The following ATRN variants were observed in gnomAD, a reference collection of about 807,000 sequenced individuals.
The protein encoded by ATRN is attractin, also known as attractin-2.
Under a neutral mutation model 178.7 loss-of-function variants are expected in ATRN, and 54 were observed. That is an observed-to-expected ratio of 0.30 (90% CI 0.24 to 0.38). The LOEUF is 0.38. ATRN is among the 10% of genes least tolerant of loss of function. ATRN has a pLI of 1.00. For synonymous variants in ATRN, 636 were observed against 663.0 expected (o/e 0.96, Z 0.63); for missense variants, 1,443 against 1,815.1 (o/e 0.79, Z 3.73).
intron 14 of ATRN, among the ~76,000 whole-genome samples, chr20:3,577,606 A>G (rs2086229816): frequency 6.6e-6 from 1 of 152,204 alleles, no homozygotes; most frequent in Non-Finnish European, 1.5e-5. Flanking sequence ...GAGCTTGTTC[A>G]GGGAAGTTGG....
intron 1 of ATRN, among the ~76,000 whole-genome samples, chr20:3,504,186 G>A (rs1332644174): frequency 6.6e-6 from 1 of 152,118 alleles, no homozygotes; most frequent in Non-Finnish European, 1.5e-5. Flanking sequence ...TGGTGAAATT[G>A]TGCCTCAGGA....
chr20:3,539,658 G>A (rs1385794579), intron 2 of ATRN, among the ~76,000 whole-genome samples: 1 of 152,154 alleles, frequency 6.6e-6, no homozygotes, highest in Admixed American at 6.5e-5. Context: ...CAGTTGGAGA[G>A]CAGAGACCAT....
intron 6 of ATRN, among the ~76,000 whole-genome samples, chr20:3,550,794 C>T (rs2085776251): frequency 6.6e-6 from 1 of 152,166 alleles, no homozygotes; most frequent in African/African-American, 2.4e-5. Context: ...CCCCTTCCCT[C>T]TGGGGGGAAA....
chr20:3,630,062 T>C (rs555112733), intron 25 of ATRN, among the ~76,000 whole-genome samples: 202 of 152,292 alleles, frequency 1.3e-3, no homozygotes, highest in Non-Finnish European at 2.5e-3. Flanking sequence ...CTGAAAGTTC[T>C]AACCCTCTAA....
intron 24 of ATRN, among the ~76,000 whole-genome samples, chr20:3,615,200 G>A (rs1326860349): frequency 2.0e-5 from 3 of 152,126 alleles, no homozygotes; most frequent in Non-Finnish European, 2.9e-5. Context: ...AGGCCGAGGC[G>A]GGCAGATCGC....
chr20:3,491,881 T>G (rs945353253), intron 1 of ATRN, among the ~76,000 whole-genome samples: 1 of 152,158 alleles, frequency 6.6e-6, no homozygotes, highest in Admixed American at 6.6e-5. Flanking sequence ...TTCTGGAAAG[T>G]GTAAGGTTGT....
intron 4 of ATRN, among the ~76,000 whole-genome samples, chr20:3,546,480 C>T (rs926562945): frequency 6.0e-5 from 9 of 150,672 alleles, no homozygotes; most frequent in African/African-American, 1.7e-4. Flanking sequence ...CAACCTCCAC[C>T]TCCTGGGTTC....
intron 11 of ATRN, among the ~76,000 whole-genome samples, chr20:3,570,938 G>A (rs2086113875): frequency 6.6e-6 from 1 of 152,256 alleles, no homozygotes; most frequent in African/African-American, 2.4e-5. Context: ...TTTTTAAAAA[G>A]GAAAATGAAT....
intron 1 of ATRN, among the ~76,000 whole-genome samples, chr20:3,483,990 A>G (rs950913242): frequency 2.0e-5 from 3 of 152,116 alleles, no homozygotes. Context: ...GACTCACACC[A>G]TAATCCCAGC....
chr20:3,575,909 C>T lies in ATRN; in HGVS notation c.2175C>T (p.Asp725=). The T allele has an allele frequency of 6.2e-7, 1 of 1,614,108 alleles. No individual in the cohort carries two copies. The highest frequency in any genetic ancestry group is 8.5e-7 in the Non-Finnish European group (1 of 1,179,988). ...CCAATGACTGCCACTGGTGCAATGA[C>T]CATTGTGTCCCCAGGAACCACAGCT... ...ANTNDCHWCN[D]HCVPRNHSCS... Residue 725 remains aspartate (D), a synonymous_variant, in exon 13 of 29, where the codon GAC becomes GAT. Transcript: ENST00000262919.
At chr20:3,596,161 T>C (rs553563774) in intron 20 of ATRN, among the ~76,000 whole-genome samples, 18 of 152,262 alleles carry the variant, frequency 1.2e-4, no homozygotes, top group Non-Finnish European at 2.5e-4. Context: ...TGCTTGTCAA[T>C]TGTCCTCATA....
At chr20:3,519,062 A>G (rs1359478224) in intron 1 of ATRN, among the ~76,000 whole-genome samples, 1 of 150,798 alleles carries the variant, frequency 6.6e-6, no homozygotes, top group Non-Finnish European at 1.5e-5. Context: ...GATCCTTCCA[A>G]GCAGAGAGAA....
At chr20:3,618,114 C>T (rs941857770) in intron 24 of ATRN, among the ~76,000 whole-genome samples, 1 of 152,180 alleles carries the variant, frequency 6.6e-6, no homozygotes, top group East Asian at 1.9e-4. Flanking sequence ...CATCGTCTCC[C>T]CATATCCCAG....
intron 1 of ATRN, among the ~76,000 whole-genome samples, chr20:3,533,059 G>A (rs2085476822): frequency 1.3e-5 from 2 of 152,222 alleles, no homozygotes; most frequent in Non-Finnish European, 2.9e-5. Flanking sequence ...ACCACGCCCA[G>A]CCTATGGTAT....
At chr20:3,494,835 A>T (rs1368337103) in intron 1 of ATRN, among the ~76,000 whole-genome samples, 1 of 152,144 alleles carries the variant, frequency 6.6e-6, no homozygotes. Flanking sequence ...GGAGACCTTG[A>T]TCTAGCCAGG....
chr20:3,620,309 A>T (rs1177637097), intron 24 of ATRN, among the ~76,000 whole-genome samples: 1 of 152,038 alleles, frequency 6.6e-6, no homozygotes, highest in Non-Finnish European at 1.5e-5. Flanking sequence ...CAGTGGTGCG[A>T]TCTTGGCTTA....
In ATRN at chr20:3,638,668, T is replaced by C. The variant is rs1437908069; in HGVS notation, c.3943-160T>C. ...TGGTGTTATCACATCCAACAAAATT[T>C]AGTAATCCCTAATGTTATCTAATAT... On this transcript the variant is annotated intron_variant, in intron 26 of 28. Coordinates refer to ENST00000262919, the MANE Select transcript of ATRN (RefSeq NM_139321.3). The surrounding 1 kb of genome is among the most constrained non-coding windows in gnomAD (Gnocchi z 4.5). Among the ~76,000 whole-genome samples the C allele has an allele frequency of 6.6e-6, 1 of 152,220 alleles. No individual in the cohort carries two copies. Among genetic ancestry groups the C allele is most frequent in the Non-Finnish European group, 1.5e-5 (1 of 68,044 alleles).
intron 23 of ATRN, 52 bp from the exon 24 acceptor site, chr20:3,604,053 C>T (rs746676089): frequency 1.2e-4 from 182 of 1,486,106 alleles, no homozygotes; most frequent in Non-Finnish European, 1.4e-4. Flanking sequence ...TTCTGTTCTC[C>T]CCCTAGCCCC....
chr20:3,491,035 T>A (rs929106614), intron 1 of ATRN: 14 of 1,144,988 alleles, frequency 1.2e-5, no homozygotes, highest in Middle Eastern at 2.8e-4. Flanking sequence ...CTCTTAAAAA[T>A]TTTATGATTA....
Sources: gnomAD v4.1 joint callset for allele counts (sites outside exome capture counted in the v4.1 genomes callset) on GRCh38, gnomAD v4.1.1 for gene constraint, Gnocchi (gnomAD v3.1) non-coding constraint, MANE v1.5 for transcripts, NCBI Gene and HGNC (gene_info 2026-07-23, HGNC 2026-07-21) for gene names.